The following ZFHX3 variants were observed in gnomAD, a reference collection of about 807,000 sequenced individuals.
ZFHX3 encodes the protein zinc finger homeobox 3, also known as zinc finger homeobox protein 3.
In ZFHX3, 42 loss-of-function variants were observed where a neutral mutation model predicts 279.1. The ratio of observed to expected loss-of-function variants is 0.15; its 90% CI spans 0.12 to 0.19. ZFHX3 has a LOEUF of 0.19. Ranked by LOEUF, ZFHX3 falls within the 10% of genes least tolerant of loss-of-function variation. The pLI is 1.00. For missense variants in ZFHX3, 4,981 were observed against 4,754.0 expected (o/e 1.05, Z -1.40); for synonymous variants, 2,293 against 1,957.8 (o/e 1.17, Z -4.52).
chr16:73,641,376 G>T (rs1370654201), intron 2 of ZFHX3, among the ~76,000 whole-genome samples: 3 of 152,108 alleles, frequency 2.0e-5, no homozygotes, highest in African/African-American at 7.2e-5. Flanking sequence ...GAAAGTAACT[G>T]CCCACGCTGG....
intron 1 of ZFHX3, among the ~76,000 whole-genome samples, chr16:73,764,913 G>T (rs569424348): frequency 1.3e-5 from 2 of 152,228 alleles, no homozygotes; most frequent in Non-Finnish European, 2.9e-5. Context: ...CTTCTGTTTT[G>T]TGTCCTCTAG....
intron 2 of ZFHX3, among the ~76,000 whole-genome samples, chr16:73,613,610 C>T (rs1486070390): frequency 5.9e-5 from 9 of 152,054 alleles, no homozygotes; most frequent in Admixed American, 5.2e-4. Flanking sequence ...AAGAAATTGC[C>T]CTAGCACAGG....
chr16:72,952,930 C>A (rs1351205961), intron 2 of ZFHX3, among the ~76,000 whole-genome samples: 3 of 152,164 alleles, frequency 2.0e-5, no homozygotes, highest in Non-Finnish European at 4.4e-5. Flanking sequence ...TGCCCCACCC[C>A]CCAAGTGAAA....
chr16:72,890,066 G>C, intron 3 of ZFHX3, 104 bp from the exon 4 acceptor site: 1 of 1,004,438 alleles, frequency 1.0e-6, no homozygotes, highest in Non-Finnish European at 1.5e-6. Context: ...ATGCCTCCAG[G>C]GGACACATCT....
intron 2 of ZFHX3, among the ~76,000 whole-genome samples, chr16:73,523,624 T>A (rs1383966437): frequency 2.8e-5 from 2 of 71,164 alleles, no homozygotes; most frequent in African/African-American, 6.6e-5. Flanking sequence ...AAGCTGGGTT[T>A]TTTTTTTTTT....
chr16:72,858,649 G>A (rs375255544), intron 4 of ZFHX3, among the ~76,000 whole-genome samples: 1 of 152,182 alleles, frequency 6.6e-6, no homozygotes, highest in African/African-American at 2.4e-5. Context: ...GCAACTTTCC[G>A]AATTTATGCC....
In ZFHX3 at chr16:72,788,334, G is replaced by C. The variant is rs536827364; in HGVS notation, c.9942C>G (p.Gly3314=). ...TSQFLPYFVP[G]FSPYYAPQIP... is the part of the protein sequence containing the mutation. ...TCTGGGGAGCATAATAAGGAGAAAA[G>C]CCTGGTACAAAGTAAGGAAGGAACT... Residue 3314 remains glycine, a synonymous_variant, in exon 10 of 10, where the codon GGC becomes GGG. Transcript: ENST00000268489. The C allele has an allele frequency of 2.5e-6, 4 of 1,614,104 alleles. No homozygotes were observed. Among genetic ancestry groups the C allele is most frequent in the Admixed American group, 1.7e-5 (1 of 60,016 alleles).
chr16:73,689,876 G>C lies in ZFHX3; in HGVS notation c.-1607-9636C>G, dbSNP rs548947824. ...GTCTCGCTCTGTCGCCCAGGCTGGA[G>C]TGCAGTGGTGCACGCTCACTGCAAC... On this transcript the variant is annotated intron_variant, in intron 1 of 17. Transcript: ENST00000641206. Among the ~76,000 whole-genome samples the C allele has an allele frequency of 1.3e-3, 199 of 151,572 alleles. 1 individual carries two copies. Among genetic ancestry groups the C allele is most frequent in the Non-Finnish European group, 2.5e-4 (17 of 67,910 alleles).
At chr16:73,013,982 T>C (rs1706619393) in intron 1 of ZFHX3, among the ~76,000 whole-genome samples, 1 of 152,166 alleles carries the variant, frequency 6.6e-6, no homozygotes, top group Admixed American at 6.5e-5. Context: ...AAGTGAAGGA[T>C]CTTTGGATAG....
chr16:73,013,900 G>A (rs1433470333), intron 1 of ZFHX3, among the ~76,000 whole-genome samples: 2 of 152,168 alleles, frequency 1.3e-5, no homozygotes, highest in African/African-American at 2.4e-5. Flanking sequence ...CCCCGAAGAC[G>A]CCCACATCCT....
intron 4 of ZFHX3, among the ~76,000 whole-genome samples, chr16:72,886,944 T>C (rs1311805253): frequency 6.6e-6 from 1 of 152,212 alleles, no homozygotes; most frequent in Non-Finnish European, 1.5e-5. Context: ...GTTTCAACTT[T>C]AACCAGAAGA....
chr16:73,719,516 G>A lies in ZFHX3; in HGVS notation c.-1607-39276C>T, dbSNP rs1450614664. Among the ~76,000 whole-genome samples, 4 of 152,210 alleles carry A rather than the reference G, an allele frequency of 2.6e-5. No homozygotes were observed. In the East Asian group the frequency reaches 5.8e-4, roughly 22 times the overall value. On this transcript the variant is annotated intron_variant, in intron 1 of 17. Transcript: ENST00000641206. Reference sequence around the variant, plus strand: ...ACAACCTGCTCCCAAAATAGTAGCTGATGCTACTATTATAAGACTCTTACA... The same window carrying A: ...ACAACCTGCTCCCAAAATAGTAGCTAATGCTACTATTATAAGACTCTTACA...
chr16:73,697,280 C>A (rs2053206408), intron 1 of ZFHX3, among the ~76,000 whole-genome samples: 1 of 150,654 alleles, frequency 6.6e-6, no homozygotes, highest in African/African-American at 2.4e-5. Context: ...AGTGTCACGA[C>A]ACATATAAGG....
upstream of ZFHX3, chr16:73,060,156 T>C (rs1298888290): frequency 6.9e-6 from 1 of 143,894 alleles, no homozygotes; most frequent in Non-Finnish European, 1.5e-5. Flanking sequence ...AGAAAGCCAA[T>C]ATATTTAAAT....
At chr16:73,172,946 T>C (rs1967567775) in intron 5 of ZFHX3, among the ~76,000 whole-genome samples, 1 of 144,126 alleles carries the variant, frequency 6.9e-6, no homozygotes, top group African/African-American at 2.6e-5. Context: ...TTTTTTTTTT[T>C]TTCTTTCTTT....
At chr16:73,699,493 G>T (rs562223382) in intron 1 of ZFHX3, among the ~76,000 whole-genome samples, 2 of 151,946 alleles carry the variant, frequency 1.3e-5, no homozygotes, top group South Asian at 4.2e-4. Flanking sequence ...AATTTAGATC[G>T]CCAAGTTTTT....
intron 5 of ZFHX3, among the ~76,000 whole-genome samples, chr16:73,206,700 C>G (rs554147215): frequency 6.6e-6 from 1 of 152,042 alleles, no homozygotes; most frequent in Non-Finnish European, 1.5e-5. Context: ...TCTCGATATA[C>G]AATTAAACAG....
chr16:73,108,751 A>G (rs1453994445), intron 7 of ZFHX3, among the ~76,000 whole-genome samples: 1 of 152,192 alleles, frequency 6.6e-6, no homozygotes. Context: ...GAGGTTTCTA[A>G]TCACTCCCAT....
intron 1 of ZFHX3, among the ~76,000 whole-genome samples, chr16:73,019,592 C>A (rs952922090): frequency 2.6e-5 from 4 of 152,346 alleles, no homozygotes; most frequent in African/African-American, 9.6e-5. Context: ...GGTGACCCCG[C>A]TCTGCTATCC....
Sources: allele counts gnomAD v4.1 joint callset (sites outside exome capture counted in the v4.1 genomes callset), GRCh38; gene constraint gnomAD v4.1.1; transcripts MANE v1.5; gene names NCBI Gene and HGNC (gene_info 2026-07-23, HGNC 2026-07-21).